Variants in SLC1A7 observed in about 807,000 individuals in gnomAD.
SLC1A7 encodes excitatory amino acid transporter 5.
SLC1A7 carries 40 observed loss-of-function variants against 47.7 expected under a neutral mutation model. The observed-to-expected ratio is 0.84, with a 90% CI of 0.65 to 1.09. The LOEUF (loss-of-function observed/expected upper bound fraction) is 1.09, where lower values mean the gene tolerates loss of function less well. Among genes scored for constraint, SLC1A7 ranks in the 50% least tolerant of loss-of-function variants. The probability of loss-of-function intolerance (pLI) is 0.00; values close to 1 mark genes in which losing one functional copy is unlikely to be tolerated. For missense variants in SLC1A7, 746 were observed against 769.5 expected (o/e 0.97, Z 0.36); for synonymous variants, 323 against 325.6 (o/e 0.99, Z 0.09).
intron 1 of SLC1A7, among the ~76,000 whole-genome samples, chr1:53,141,846 G>A (rs891804262): frequency 2.9e-4 from 44 of 152,264 alleles, no homozygotes; most frequent in African/African-American, 1.0e-3. Context: ...GTTGCCGCAA[G>A]CCCACGTGTG....
chr1:53,116,654 C>T (rs1029337497), intron 2 of SLC1A7, among the ~76,000 whole-genome samples: 1 of 152,164 alleles, frequency 6.6e-6, no homozygotes, highest in East Asian at 1.9e-4. Context: ...GGTGCGTCAA[C>T]CCAGGGCCAA....
chr1:53,114,922 G>T lies in SLC1A7; in HGVS notation c.267C>A (p.Gly89=). The change falls in exon 3 of 11, where the codon GGC becomes GGA. Residue 89 remains glycine (G), a synonymous_variant. Coordinates refer to ENST00000371494, the MANE Select transcript of SLC1A7 (RefSeq NM_006671.6). ...SLDAKTSSRL[G]VLTVAYYLWT... is the part of the protein sequence containing the mutation. ...ACAGGTAGTACGCCACGGTGAGGACGCCCAGGCGGCTAGAGGTCTTGGCAT... is the reference window on the plus strand; with the variant it reads ...ACAGGTAGTACGCCACGGTGAGGACTCCCAGGCGGCTAGAGGTCTTGGCAT... 1 of 1,614,138 alleles carries T rather than the reference G, an allele frequency of 6.2e-7. No homozygotes were observed. Among genetic ancestry groups the T allele is most frequent in the South Asian group, 1.1e-5 (1 of 91,080 alleles).
chr1:53,090,687 T>A lies in SLC1A7; in HGVS notation c.1151A>T (p.Tyr384Phe), dbSNP rs1644410772. ...ATINMDGTAL[Y>F]EAVAAIFIAQ... ...GATGAAGATGGCGGCCACAGCCTCG[T>A]AGAGCGCAGTGCCGTCCATGTTGAT... Residue 384 changes from tyrosine (Y) to phenylalanine (F), a missense_variant, in exon 8 of 11, where the codon TAC becomes TTC. Physicochemically the swap from Tyr to Phe is conservative, Grantham distance 22 (BLOSUM62 3). Coordinates refer to ENST00000371494, the MANE Select transcript of SLC1A7 (RefSeq NM_006671.6). 7 of 1,613,904 alleles carry A rather than the reference T, an allele frequency of 4.3e-6. No homozygotes were observed. In the South Asian group the frequency reaches 7.7e-5, roughly 18 times the overall value.
intron 5 of SLC1A7, among the ~76,000 whole-genome samples, chr1:53,100,078 C>A (rs1363462163): frequency 1.3e-5 from 2 of 151,256 alleles, no homozygotes; most frequent in Admixed American, 6.6e-5. Flanking sequence ...ACTCACACAC[C>A]CCCACCTTGA....
At chr1:53,116,873 C>T (rs1201464444) in intron 2 of SLC1A7, among the ~76,000 whole-genome samples, 2 of 152,246 alleles carry the variant, frequency 1.3e-5, no homozygotes, top group East Asian at 1.9e-4. Flanking sequence ...GTGCCATGCC[C>T]TGTGCCCACA....
intron 10 of SLC1A7, 112 bp downstream of exon 10, chr1:53,088,765 T>A (rs1234572332): frequency 1.3e-6 from 1 of 767,190 alleles, no homozygotes; most frequent in Admixed American, 1.9e-5. Context: ...CCCAGAGGCA[T>A]GGAGGGAGGG....
At chr1:53,128,857 C>A (rs1644910407) in intron 2 of SLC1A7, among the ~76,000 whole-genome samples, 1 of 141,938 alleles carries the variant, frequency 7.0e-6, no homozygotes, top group African/African-American at 2.6e-5. Flanking sequence ...ATCTGAGGAG[C>A]CTGGTGATGC....
intron 5 of SLC1A7, among the ~76,000 whole-genome samples, chr1:53,099,160 A>G (rs915317973): frequency 1.1e-4 from 6 of 55,644 alleles, no homozygotes; most frequent in Non-Finnish European, 2.3e-4. Flanking sequence ...GCCTCGGTAC[A>G]CTCACAGAGT....
intron 2 of SLC1A7, among the ~76,000 whole-genome samples, chr1:53,129,634 G>T (rs1312856974): frequency 7.1e-6 from 1 of 141,046 alleles, no homozygotes; most frequent in Non-Finnish European, 1.6e-5. Flanking sequence ...CTCCAACCCC[G>T]CTGGCCCCAC....
At chr1:53,102,574 G>C (rs1220883421) in intron 5 of SLC1A7, 2 of 152,424 alleles carry the variant, frequency 1.3e-5, no homozygotes, top group East Asian at 1.9e-4. Context: ...CCAGTCTCAC[G>C]GGGCTTTTCA....
rs1303582898 is a variant in SLC1A7, at chr1:53,125,581, G to A, written c.215+8769C>T. ...ATTCAAGGCCTCCAAAATGAACCCA[G>A]TAGGAGGGAAAAGGGAATTGGGGCT... On this transcript the variant is annotated intron_variant, in intron 2 of 10. Transcript: ENST00000371494. Among the ~76,000 whole-genome samples the A allele has an allele frequency of 2.0e-5, 3 of 152,180 alleles. No individual in the cohort carries two copies. The East Asian group carries it at 5.8e-4, about 29-fold the overall frequency.
chr1:53,091,063 C>T, intron 7 of SLC1A7: 3 of 1,058,942 alleles, frequency 2.8e-6, no homozygotes, highest in Non-Finnish European at 4.0e-6. Context: ...TGTCACACTG[C>T]TGTGCCGAGG....
In SLC1A7 at chr1:53,103,400, C is replaced by T. The variant is rs1644605277; in HGVS notation, c.643G>A (p.Gly215Ser). 1.2e-6 allele frequency: 2 copies of T among 1,611,022 alleles called. No individual in the cohort carries two copies. Among genetic ancestry groups the T allele is most frequent in the East Asian group, 4.5e-5 (2 of 44,746 alleles). Residue 215 changes from glycine (G) to serine (S), a missense_variant, in exon 5 of 11, where the codon GGC becomes AGC. Gly to Ser is a moderately conservative substitution (Grantham distance 56). Transcript: ENST00000371494. ...AGCACATTCATGCCATCGCTGGTGC[C>T]CGGCTCTGACTTGTAAACGACCTCG... ...PPEVVYKSEP[G>S]TSDGMNVLGI...
chr1:53,140,560 G>GC (rs1244700747), intron 1 of SLC1A7, among the ~76,000 whole-genome samples: 1 of 152,196 alleles, frequency 6.6e-6, no homozygotes, highest in African/African-American at 2.4e-5. Context: ...CAGGCAGCCA[G>GC]CAGCGGGGTT....
rs1644380845 is a variant in SLC1A7 at position 53,088,171 on chromosome 1, C to A, written c.1521G>T (p.Gln507His). Reference sequence around the variant, plus strand: ...CTACACTCTTCACACAGCCATTCTGCTGGGCTGCCACGATCTCCTGGAGGC... The same window carrying A: ...CTACACTCTTCACACAGCCATTCTGATGGGCTGCCACGATCTCCTGGAGGC... ...PVSLQEIVAA[Q>H]QNGCVKSVAE... The change falls in exon 11 of 11, where the codon CAG (glutamine) becomes CAT (histidine). Residue 507 changes from glutamine (Q) to histidine (H), a missense_variant. Transcript: ENST00000371494. 6.2e-7 allele frequency: 1 copy of A among 1,613,410 alleles called. No homozygotes were observed. The highest frequency in any genetic ancestry group is 8.5e-7 in the Non-Finnish European group (1 of 1,179,712).
At chr1:53,090,088 T>C in intron 8 of SLC1A7, 154 bp from the exon 9 acceptor site, 2 of 735,238 alleles carry the variant, frequency 2.7e-6, no homozygotes, top group Non-Finnish European at 4.6e-6. Flanking sequence ...GCTCTCGGGG[T>C]CAAGTCCCTC....
chr1:53,103,566 G>A lies in SLC1A7; in HGVS notation c.477C>T (p.Tyr159=), dbSNP rs1466444681. 1.9e-6 allele frequency: 3 copies of A among 1,565,608 alleles called. No individual in the cohort carries two copies. Among genetic ancestry groups the A allele is most frequent in the South Asian group, 2.4e-5 (2 of 84,082 alleles). ...ANLVEATFKQ[Y]RTKTTPVVKS... ...TGACAACTGGGGTGGTCTTGGTGCG[G>A]TACTGGTGGGTGACACCCCACCCAG... Residue 159 remains tyrosine, a splice_region_variant and synonymous_variant, in exon 5 of 11, where the codon TAC becomes TAT. Transcript: ENST00000371494.
At chr1:53,095,100 C>T (rs750434164) in intron 5 of SLC1A7, among the ~76,000 whole-genome samples, 1 of 152,144 alleles carries the variant, frequency 6.6e-6, no homozygotes, top group East Asian at 1.9e-4. Flanking sequence ...GACACAGGCA[C>T]GGAAAGACCA....
chr1:53,135,686 T>TAA (rs56817579), intron 1 of SLC1A7, among the ~76,000 whole-genome samples: 16,501 of 148,562 alleles, frequency 0.11, 1,373 homozygotes, highest in African/African-American at 0.24. Flanking sequence ...ATTCTTATAC[T>TAA]AAAAAAAAAA....
Sources: gnomAD v4.1 joint callset for allele counts (sites outside exome capture counted in the v4.1 genomes callset) on GRCh38, gnomAD v4.1.1 for gene constraint, MANE v1.5 for transcripts, NCBI Gene and HGNC (gene_info 2026-07-23, HGNC 2026-07-21) for gene names.